TMEM117: variants seen among roughly 807,000 people sequenced by gnomAD.
TMEM117 encodes the protein transmembrane protein 117.
In TMEM117, 27 loss-of-function variants were observed where a neutral mutation model predicts 52.4. The observed-to-expected ratio is 0.51, with a 90% CI of 0.38 to 0.71. TMEM117 has a LOEUF of 0.71. TMEM117 is among the 30% of genes least tolerant of loss of function. The pLI, the probability that TMEM117 is intolerant of heterozygous loss-of-function variation, is 0.00. For synonymous variants in TMEM117, 215 were observed against 206.3 expected (o/e 1.04, Z -0.36); for missense variants, 556 against 630.5 (o/e 0.88, Z 1.26).
chr12:43,853,862 TG>T (rs1320195278), intron 2 of TMEM117, among the ~76,000 whole-genome samples: 2 of 152,024 alleles, frequency 1.3e-5, no homozygotes, highest in African/African-American at 2.4e-5. Context: ...GTCTCAAGCG[TG>T]AGTGGGATTA....
chr12:43,968,196 A>T (rs1201264441), intron 3 of TMEM117, among the ~76,000 whole-genome samples: 1 of 151,274 alleles, frequency 6.6e-6, no homozygotes, highest in Non-Finnish European at 1.5e-5. Context: ...GTGAGTTTTC[A>T]TAAAGAGGAT....
chr12:44,168,178 G>C (rs537311432), intron 4 of TMEM117, among the ~76,000 whole-genome samples: 2 of 151,882 alleles, frequency 1.3e-5, no homozygotes, highest in Non-Finnish European at 2.9e-5. Flanking sequence ...CCTTGAACCC[G>C]GGAGGCGGAG....
intron 2 of TMEM117, among the ~76,000 whole-genome samples, chr12:43,878,596 A>G (rs1052768771): frequency 3.0e-4 from 45 of 152,234 alleles, no homozygotes; most frequent in African/African-American, 1.0e-3. Flanking sequence ...AGCTAAATGC[A>G]TGCTTTTATT....
chr12:44,392,403 A>G (rs1015956469), downstream of TMEM117, among the ~76,000 whole-genome samples: 1 of 152,160 alleles, frequency 6.6e-6, no homozygotes, highest in Non-Finnish European at 1.5e-5. Flanking sequence ...TAAAATTCTC[A>G]TTAGGCTAGT....
At chr12:43,979,619 G>C (rs1424241932) in intron 3 of TMEM117, among the ~76,000 whole-genome samples, 2 of 152,170 alleles carry the variant, frequency 1.3e-5, no homozygotes, top group Non-Finnish European at 2.9e-5. Flanking sequence ...AATCGCTGTG[G>C]GGGAAGGGAG....
At chr12:44,077,947 A>G (rs1406191436) in intron 3 of TMEM117, among the ~76,000 whole-genome samples, 1 of 152,092 alleles carries the variant, frequency 6.6e-6, no homozygotes, top group Admixed American at 6.6e-5. Flanking sequence ...TTGTACTTAT[A>G]TTTTACAAAC....
At chr12:44,263,317 A>T (rs1050922819) in intron 5 of TMEM117, among the ~76,000 whole-genome samples, 1 of 152,204 alleles carries the variant, frequency 6.6e-6, no homozygotes, top group African/African-American at 2.4e-5. Context: ...ATCTCACGCC[A>T]GTTAGAATGG....
intron 3 of TMEM117, among the ~76,000 whole-genome samples, chr12:44,106,700 A>G (rs553856168): frequency 1.3e-5 from 2 of 150,076 alleles, no homozygotes; most frequent in African/African-American, 4.9e-5. Context: ...GGGAAAATAC[A>G]TCTGAATCAC....
At chr12:43,936,199 G>A (rs1944949951) in intron 2 of TMEM117, among the ~76,000 whole-genome samples, 1 of 152,124 alleles carries the variant, frequency 6.6e-6, no homozygotes, top group Non-Finnish European at 1.5e-5. Context: ...AGTTAAGAGG[G>A]CATCGCAATA....
intron 2 of TMEM117, among the ~76,000 whole-genome samples, chr12:43,921,780 TAA>T (rs1944698450): frequency 7.9e-5 from 12 of 152,280 alleles, no homozygotes; most frequent in Middle Eastern, 3.4e-3. Flanking sequence ...CAGCTGCAGT[TAA>T]GGTTAGGTTC....
chr12:44,328,824 T>A (rs1048370909), intron 6 of TMEM117, among the ~76,000 whole-genome samples: 1 of 151,964 alleles, frequency 6.6e-6, no homozygotes, highest in Non-Finnish European at 1.5e-5. Context: ...AAATATAGAT[T>A]TTATCAGTAA....
chr12:44,090,212 G>T (rs1947639328), intron 3 of TMEM117, among the ~76,000 whole-genome samples: 1 of 151,796 alleles, frequency 6.6e-6, no homozygotes. Context: ...GATTCAGGGG[G>T]TACATGTGCA....
At chr12:44,248,818 G>T in intron 5 of TMEM117, 1 of 166,116 alleles carries the variant, frequency 6.0e-6, no homozygotes. Flanking sequence ...AGCTTCTTTT[G>T]GTTTTCTGGG....
chr12:43,936,056 C>T (rs553745953), intron 2 of TMEM117, among the ~76,000 whole-genome samples: 4 of 151,574 alleles, frequency 2.6e-5, no homozygotes, highest in Non-Finnish European at 2.9e-5. Context: ...TTTTATATTA[C>T]GGGAGAATTG....
At chr12:43,894,991 C>CT (rs554569691) in intron 2 of TMEM117, among the ~76,000 whole-genome samples, 5 of 152,096 alleles carry the variant, frequency 3.3e-5, no homozygotes, top group Admixed American at 2.0e-4. Flanking sequence ...GAACATTTTG[C>CT]TTTTTTTAAC....
intron 3 of TMEM117, among the ~76,000 whole-genome samples, chr12:43,959,766 GTTTAA>G (rs1329771401): frequency 6.6e-6 from 1 of 152,032 alleles, no homozygotes; most frequent in African/African-American, 2.4e-5. Flanking sequence ...GGTGGTATTT[GTTTAA>G]TTTATTTTGG....
rs147468048 is a variant in TMEM117 at position 44,277,497 on chromosome 12, C to A, written c.609-22083C>A. 2.4e-3 allele frequency among the ~76,000 whole-genome samples: 364 copies of A among 152,262 alleles called. 12 individuals carry two copies. In the East Asian group the frequency reaches 0.035, roughly 15 times the overall value. On this transcript the variant is annotated intron_variant, in intron 5 of 7. Coordinates refer to ENST00000266534, the MANE Select transcript of TMEM117 (RefSeq NM_032256.3). Reference sequence around the variant, plus strand: ...ATGGCTGGGTCTTCTGCTTTGGCTTCAGTAAAATTGTCTGCTGACTATTTT... The same window carrying A: ...ATGGCTGGGTCTTCTGCTTTGGCTTAAGTAAAATTGTCTGCTGACTATTTT...
At chr12:43,836,918 A>G (rs61930678) in intron 1 of TMEM117, among the ~76,000 whole-genome samples, 7,129 of 152,272 alleles carry the variant, frequency 0.047, 216 homozygotes, top group Middle Eastern at 0.13. Flanking sequence ...ATTGCCCCCA[A>G]TTATAAATGA....
In TMEM117 at chr12:44,246,767, G is replaced by A. The variant is rs556590892; in HGVS notation, c.608+35380G>A. Among the ~76,000 whole-genome samples, 231 of 152,300 alleles carry A rather than the reference G, an allele frequency of 1.5e-3. 3 individuals carry two copies. Among genetic ancestry groups the A allele is most frequent in the African/African-American group, 5.2e-3 (216 of 41,558 alleles). Reference sequence around the variant, plus strand: ...CCTGGAACCTCTCCAAACAGTAACAGTCTCAATGGAGCAATTAAATATGTA... The same window carrying A: ...CCTGGAACCTCTCCAAACAGTAACAATCTCAATGGAGCAATTAAATATGTA... On this transcript the variant is annotated intron_variant, in intron 5 of 7. Coordinates refer to ENST00000266534, the MANE Select transcript of TMEM117 (RefSeq NM_032256.3).
Sources: gnomAD v4.1 joint callset for allele counts (sites outside exome capture counted in the v4.1 genomes callset) on GRCh38, gnomAD v4.1.1 for gene constraint, MANE v1.5 for transcripts, NCBI Gene and HGNC (gene_info 2026-07-23, HGNC 2026-07-21) for gene names.